The following ATP8B1 variants were observed in gnomAD, a reference collection of about 807,000 sequenced individuals.
ATP8B1 encodes the protein ATPase phospholipid transporting 8B1.
Under a neutral mutation model 149.9 loss-of-function variants are expected in ATP8B1, and 80 were observed. The ratio of observed to expected loss-of-function variants is 0.53; its 90% CI spans 0.45 to 0.64. The LOEUF (loss-of-function observed/expected upper bound fraction) is 0.64, where lower values mean the gene tolerates loss of function less well. Ranked by LOEUF, ATP8B1 falls within the 30% of genes least tolerant of loss-of-function variation. The pLI, the probability that ATP8B1 is intolerant of heterozygous loss-of-function variation, is 0.00. For missense variants in ATP8B1, 1,247 were observed against 1,552.6 expected, an observed-to-expected ratio of 0.80 and a Z score of 3.31; for synonymous variants, 536 against 562.8, an observed-to-expected ratio of 0.95 and a Z score of 0.67.
rs1909316830 is a variant in ATP8B1, at chr18:57,648,359, A to T, written c.*129T>A. On this transcript the variant is annotated 3_prime_UTR_variant, in exon 28 of 28. Coordinates refer to ENST00000648908, the MANE Select transcript of ATP8B1 (RefSeq NM_001374385.1). ...AATAGTCCAACCCAAGGAGTTTGTT[A>T]TAAAGATTATTTATTGTCTTCAATA... 14 of 1,111,912 alleles carry T rather than the reference A, an allele frequency of 1.3e-5. No individual in the cohort carries two copies. Among genetic ancestry groups the T allele is most frequent in the Non-Finnish European group, 1.9e-5 (14 of 751,678 alleles). The allele number at this position is 1,111,912 out of a possible 1,614,324, so 68.9% of individuals were successfully genotyped here.
intron 1 of ATP8B1, among the ~76,000 whole-genome samples, chr18:57,776,373 C>T (rs151165507): frequency 3.0e-4 from 46 of 152,342 alleles, no homozygotes; most frequent in African/African-American, 1.1e-3. Flanking sequence ...AGGCTTCTAC[C>T]ACTCTTGAAA....
chr18:57,675,138 T>A, intron 15 of ATP8B1, 116 bp from the exon 16 acceptor site: 1 of 1,010,758 alleles, frequency 9.9e-7, no homozygotes, highest in Non-Finnish European at 1.5e-6. Context: ...GCCCAAAACA[T>A]CCCCAGGAAA....
intron 2 of ATP8B1, among the ~76,000 whole-genome samples, chr18:57,712,061 A>G (rs1913715009): frequency 6.6e-6 from 1 of 151,364 alleles, no homozygotes; most frequent in Non-Finnish European, 1.5e-5. Context: ...ATATATATAT[A>G]TATATATGGC....
intron 2 of ATP8B1, 97 bp downstream of exon 2, chr18:57,731,530 A>G: frequency 1.4e-6 from 2 of 1,392,970 alleles, no homozygotes; most frequent in Non-Finnish European, 2.0e-6. Context: ...ATTCTCTCCT[A>G]GACCACGCAA....
chr18:57,772,994 A>T, intron 1 of ATP8B1, among the ~76,000 whole-genome samples: 1 of 152,092 alleles, frequency 6.6e-6, no homozygotes. Flanking sequence ...TCATGCCTGT[A>T]ATTCCAACAC....
At chr18:57,770,496 C>T (rs2080255009) in intron 1 of ATP8B1, among the ~76,000 whole-genome samples, 1 of 152,268 alleles carries the variant, frequency 6.6e-6, no homozygotes, top group Non-Finnish European at 1.5e-5. Context: ...ATCTTCCTCA[C>T]TCCGTGAGAC....
intron 6 of ATP8B1, among the ~76,000 whole-genome samples, chr18:57,700,713 G>C (rs981472477): frequency 6.6e-6 from 1 of 152,140 alleles, no homozygotes; most frequent in Non-Finnish European, 1.5e-5. Context: ...GAGGTCAGGA[G>C]TTTGAGACCA....
intron 16 of ATP8B1, among the ~76,000 whole-genome samples, chr18:57,674,154 G>C (rs1911430759): frequency 6.9e-6 from 1 of 145,760 alleles, no homozygotes; most frequent in Non-Finnish European, 1.5e-5. Context: ...GCTGAGGCAG[G>C]AGACTCGCTT....
intron 20 of ATP8B1, among the ~76,000 whole-genome samples, chr18:57,664,808 T>A (rs1359131542): frequency 6.6e-6 from 1 of 152,210 alleles, no homozygotes; most frequent in East Asian, 1.9e-4. Context: ...TGATGTGATT[T>A]GCCTGCTGCA....
chr18:57,690,079 A>T (rs929972011), intron 12 of ATP8B1, among the ~76,000 whole-genome samples: 2 of 152,208 alleles, frequency 1.3e-5, no homozygotes, highest in Non-Finnish European at 2.9e-5. Context: ...GTAAGGAGAT[A>T]TGAAGATCTC....
chr18:57,654,875 C>A (rs1022877909), intron 23 of ATP8B1, among the ~76,000 whole-genome samples: 4 of 151,176 alleles, frequency 2.6e-5, no homozygotes, highest in Non-Finnish European at 4.4e-5. Flanking sequence ...TTAGTAGAGA[C>A]CAGGTTTCAC....
Position 57,671,316 on chromosome 18 carries a change from G to T in ATP8B1, c.1932+152C>A, listed in dbSNP as rs988804443. Reference sequence around the variant, plus strand: ...CAGGGGCAGAACTGGGACCCAGGTGGCTGTATTCCTACTTTACTGCTCTTT... The same window carrying T: ...CAGGGGCAGAACTGGGACCCAGGTGTCTGTATTCCTACTTTACTGCTCTTT... On this transcript the variant is annotated intron_variant, in intron 17 of 27. Coordinates refer to ENST00000648908, the MANE Select transcript of ATP8B1 (RefSeq NM_001374385.1). 13 of 699,774 alleles carry T rather than the reference G, an allele frequency of 1.9e-5. No homozygotes were observed. In the Admixed American group the frequency reaches 2.0e-4, roughly 11 times the overall value. 43.3% of individuals were successfully genotyped at this position (699,774 alleles called of 1,614,324 possible).
At chr18:57,655,144 CATTT>C (rs1483620732) in intron 23 of ATP8B1, 46 bp downstream of exon 23, 10 of 1,502,112 alleles carry the variant, frequency 6.7e-6, no homozygotes, top group Admixed American at 3.4e-5. Context: ...GATTTTTATT[CATTT>C]AAGAGCTCTA....
chr18:57,785,165 C>T (rs1329190443), intron 1 of ATP8B1, among the ~76,000 whole-genome samples: 1 of 152,124 alleles, frequency 6.6e-6, no homozygotes, highest in East Asian at 1.9e-4. Flanking sequence ...TTATACTAAC[C>T]CCAAAATACA....
At chr18:57,672,927 T>TAC (rs1911332142) in intron 16 of ATP8B1, among the ~76,000 whole-genome samples, 3 of 36,948 alleles carry the variant, frequency 8.1e-5, no homozygotes, top group African/African-American at 1.4e-4. Context: ...TATATATATA[T>TAC]ATATAACATG....
At chr18:57,650,723 G>T (rs1382485724) in intron 26 of ATP8B1, among the ~76,000 whole-genome samples, 1 of 152,108 alleles carries the variant, frequency 6.6e-6, no homozygotes, top group Non-Finnish European at 1.5e-5. Context: ...TGCACCTGTA[G>T]TCCCAGCTAC....
Position 57,669,428 on chromosome 18 carries a change from C to A in ATP8B1, c.1987G>T (p.Glu663Ter). 6.2e-7 allele frequency: 1 copy of A among 1,613,596 alleles called. No homozygotes were observed. The change falls in exon 18 of 28, where the codon GAA (glutamate) becomes TAA (stop). Residue 663 changes from glutamate (E) to a stop codon, truncating the protein, a stop_gained. Transcript: ENST00000648908. LOFTEE classifies it high-confidence loss of function. ...TTATTCCATTCTGTAAATTCTTTTTCTTCAATTTCCTTGTAGCAAAGGCAT... is the reference window on the plus strand; with the variant it reads ...TTATTCCATTCTGTAAATTCTTTTTATTCAATTTCCTTGTAGCAAAGGCAT... ...TLCLCYKEIEEKEFTEWNKKF... is the reference protein window; with the variant it reads ...TLCLCYKEIE
In ATP8B1 at chr18:57,803,148, C is replaced by A. The variant is rs964033535; in HGVS notation, c.-176G>T. Reference sequence around the variant, plus strand: ...GGCGCACGGGGGCTGGCCGGGGGCCCGGGGAAGCGTGTCTAGTTGGCGGCG... The same window carrying A: ...GGCGCACGGGGGCTGGCCGGGGGCCAGGGGAAGCGTGTCTAGTTGGCGGCG... On this transcript the variant is annotated 5_prime_UTR_variant, in exon 1 of 28. Transcript: ENST00000648908. 1 of 152,238 alleles carries A rather than the reference C, an allele frequency of 6.6e-6. No homozygotes were observed. Among genetic ancestry groups the A allele is most frequent in the African/African-American group, 2.4e-5 (1 of 41,442 alleles). 9.4% of individuals were successfully genotyped at this position (152,238 alleles called of 1,614,324 possible). A position where few individuals can be genotyped will look rare whatever the true frequency, so the allele number is the denominator to read the frequency against.
chr18:57,759,906 A>G (rs1324690830), intron 1 of ATP8B1, among the ~76,000 whole-genome samples: 1 of 152,058 alleles, frequency 6.6e-6, no homozygotes, highest in Admixed American at 6.6e-5. Context: ...GCCCTGTGCA[A>G]ACCAACTGCA....
Sources: gnomAD v4.1 joint callset for allele counts (sites outside exome capture counted in the v4.1 genomes callset) on GRCh38, gnomAD v4.1.1 for gene constraint, MANE v1.5 for transcripts, NCBI Gene and HGNC (gene_info 2026-07-23, HGNC 2026-07-21) for gene names.